Variants in CNTNAP2 observed in about 807,000 individuals in gnomAD.
CNTNAP2 encodes contactin-associated protein-like 2.
A neutral mutation model predicts 155.2 loss-of-function variants in CNTNAP2; 98 were observed. That is an observed-to-expected ratio of 0.63 (90% CI 0.54 to 0.75). CNTNAP2 has a LOEUF of 0.75. Ranked by LOEUF, CNTNAP2 falls within the 30% of genes least tolerant of loss-of-function variation. The probability of loss-of-function intolerance (pLI) is 0.00; values close to 1 mark genes in which losing one functional copy is unlikely to be tolerated. For missense variants in CNTNAP2, 1,727 were observed against 1,688.1 expected (o/e 1.02, Z -0.40); for synonymous variants, 651 against 631.2 (o/e 1.03, Z -0.47).
At chr7:147,581,579 C>G (rs768559114) in intron 12 of CNTNAP2, among the ~76,000 whole-genome samples, 5 of 152,130 alleles carry the variant, frequency 3.3e-5, no homozygotes, top group Non-Finnish European at 5.9e-5. Flanking sequence ...AGAGAAAAGC[C>G]CATAAAGGCA....
intron 5 of CNTNAP2, among the ~76,000 whole-genome samples, chr7:147,109,490 A>T (rs929525807): frequency 1.3e-5 from 2 of 152,124 alleles, no homozygotes; most frequent in African/African-American, 2.4e-5. Context: ...TCGATTATGG[A>T]AGTTGATATA....
At position 148,051,995 on chromosome 7, in the gene CNTNAP2, C is replaced by T. The variant is rs190344260; in HGVS notation, c.2384-66123C>T. Among the ~76,000 whole-genome samples the T allele has an allele frequency of 6.0e-3, 918 of 152,064 alleles. 11 individuals carry two copies. Among genetic ancestry groups the T allele is most frequent in the African/African-American group, 0.021 (865 of 41,490 alleles). ...TCTACTAAAAATACAAAAAATTAGC[C>T]GGGCGTGGTGGCAGGTGCCTGTAGT... On this transcript the variant is annotated intron_variant, in intron 15 of 23. Transcript: ENST00000361727.
intron 18 of CNTNAP2, among the ~76,000 whole-genome samples, chr7:148,206,178 C>T (rs1375404103): frequency 6.7e-6 from 1 of 148,606 alleles, no homozygotes; most frequent in Non-Finnish European, 1.5e-5. Flanking sequence ...AACTTGCTCT[C>T]ACATGGTTCA....
At chr7:147,929,866 C>T (rs1218984101) in intron 14 of CNTNAP2, among the ~76,000 whole-genome samples, 1 of 152,192 alleles carries the variant, frequency 6.6e-6, no homozygotes, top group Admixed American at 6.5e-5. Context: ...AACTGTTCCA[C>T]CTCAGATCAT....
intron 10 of CNTNAP2, among the ~76,000 whole-genome samples, chr7:147,408,490 G>A (rs543163148): frequency 4.6e-5 from 7 of 152,346 alleles, no homozygotes; most frequent in Non-Finnish European, 1.0e-4. Flanking sequence ...GCCGGGTGTG[G>A]TGGCTCACGC....
chr7:148,001,352 T>C (rs1160570094), intron 15 of CNTNAP2, among the ~76,000 whole-genome samples: 1 of 152,230 alleles, frequency 6.6e-6, no homozygotes, highest in Non-Finnish European at 1.5e-5. Flanking sequence ...GGCTCTACAC[T>C]GCGTCGAACA....
intron 14 of CNTNAP2, among the ~76,000 whole-genome samples, chr7:147,925,135 A>AAGAGAG (rs369044394): frequency 1.7e-4 from 13 of 77,962 alleles, no homozygotes; most frequent in East Asian, 8.9e-4. Context: ...AGAAAGAGAG[A>AAGAGAG]AGAGAGAGAG....
intron 1 of CNTNAP2, among the ~76,000 whole-genome samples, chr7:146,456,055 T>TA (rs900845750): frequency 8.6e-5 from 13 of 151,728 alleles, no homozygotes; most frequent in African/African-American, 2.2e-4. Flanking sequence ...AGTTTTTTCT[T>TA]AAAAAAAAGG....
chr7:148,242,585 T>G (rs368629469), intron 20 of CNTNAP2, among the ~76,000 whole-genome samples: 5 of 152,378 alleles, frequency 3.3e-5, no homozygotes, highest in African/African-American at 1.2e-4. Context: ...GTTACTTGCA[T>G]CTGTCGCGGA....
chr7:147,366,488 A>T (rs1364637933), intron 9 of CNTNAP2, among the ~76,000 whole-genome samples: 2 of 151,522 alleles, frequency 1.3e-5, no homozygotes, highest in East Asian at 3.9e-4. Flanking sequence ...TAGAGTATAA[A>T]TTTTTTCATA....
At chr7:146,854,878 TTTG>T (rs777477373) in intron 3 of CNTNAP2, among the ~76,000 whole-genome samples, 30 of 152,232 alleles carry the variant, frequency 2.0e-4, no homozygotes, top group Non-Finnish European at 2.6e-4. Flanking sequence ...TAGTATTATT[TTTG>T]TTGTTGTTGT....
At chr7:148,263,556 G>A (rs1368081245) in intron 20 of CNTNAP2, among the ~76,000 whole-genome samples, 2 of 152,062 alleles carry the variant, frequency 1.3e-5, no homozygotes, top group Non-Finnish European at 1.5e-5. Flanking sequence ...GGCCAACATA[G>A]TGAAACCCCG....
chr7:146,352,756 T>TG (rs1312128640), intron 1 of CNTNAP2, among the ~76,000 whole-genome samples: 1 of 117,762 alleles, frequency 8.5e-6, no homozygotes, highest in African/African-American at 3.7e-5. Flanking sequence ...TTCTGTTTTT[T>TG]TTTTTTTTTT....
intron 1 of CNTNAP2, among the ~76,000 whole-genome samples, chr7:146,728,841 G>T (rs1434528633): frequency 1.3e-5 from 2 of 152,274 alleles, no homozygotes; most frequent in Admixed American, 6.5e-5. Flanking sequence ...CAGGCAGGGT[G>T]TAGGCTGTTT....
At chr7:147,394,807 TTGTGTGTGTG>T (rs61695156) in intron 9 of CNTNAP2, among the ~76,000 whole-genome samples, 11,781 of 139,312 alleles carry the variant, frequency 0.085, 629 homozygotes, top group East Asian at 0.27. Context: ...ATCAACAGTA[TTGTGTGTGTG>T]TGTGTGTGTG....
intron 22 of CNTNAP2, among the ~76,000 whole-genome samples, chr7:148,385,057 C>T (rs1003208595): frequency 2.4e-4 from 36 of 152,306 alleles, no homozygotes; most frequent in African/African-American, 7.5e-4. Flanking sequence ...AAACCTCGTG[C>T]ATTTGATTGC....
intron 1 of CNTNAP2, among the ~76,000 whole-genome samples, chr7:146,549,072 G>A (rs76889420): frequency 1.8e-4 from 23 of 124,814 alleles, no homozygotes; most frequent in African/African-American, 6.0e-4. Context: ...TTTTTTTTTT[G>A]CATGTGGATG....
At chr7:146,299,992 A>G (rs1800579362) in intron 1 of CNTNAP2, among the ~76,000 whole-genome samples, 1 of 152,172 alleles carries the variant, frequency 6.6e-6, no homozygotes. Flanking sequence ...TGGAAGTAAT[A>G]TAAGCTGGTC....
intron 21 of CNTNAP2, among the ~76,000 whole-genome samples, chr7:148,281,039 A>G (rs57776497): frequency 0.15 from 22,268 of 152,234 alleles, 2,109 homozygotes; most frequent in African/African-American, 0.26. Flanking sequence ...GGCTAGTGCC[A>G]TCCACCCTGG....
Sources: gnomAD v4.1 joint callset for allele counts (sites outside exome capture counted in the v4.1 genomes callset) on GRCh38, gnomAD v4.1.1 for gene constraint, MANE v1.5 for transcripts, NCBI Gene and HGNC (gene_info 2026-07-23, HGNC 2026-07-21) for gene names.